The following LYRM4 variants were observed in gnomAD, a reference collection of about 807,000 sequenced individuals.
LYRM4 encodes LYR motif-containing protein 4.
LYRM4 carries 9 observed loss-of-function variants against 11.7 expected under a neutral mutation model. The ratio of observed to expected loss-of-function variants is 0.77; its 90% CI spans 0.46 to 1.34. The LOEUF (loss-of-function observed/expected upper bound fraction) is 1.34. LYRM4 is among the 40% of genes most tolerant of loss of function. The pLI, the probability that LYRM4 is intolerant of heterozygous loss-of-function variation, is 0.00. For missense variants in LYRM4, 133 were observed against 112.5 expected, an observed-to-expected ratio of 1.18 and a Z score of -0.82; for synonymous variants, 42 against 40.4, an observed-to-expected ratio of 1.04 and a Z score of -0.15.
At chr6:5,254,163 A>T (rs1310666538) in intron 1 of LYRM4, among the ~76,000 whole-genome samples, 1 of 152,232 alleles carries the variant, frequency 6.6e-6, no homozygotes, top group African/African-American at 2.4e-5. Flanking sequence ...GGTCAACAGA[A>T]ACGGCCCAAC....
At chr6:5,162,548 A>G (rs893003302) in intron 2 of LYRM4, among the ~76,000 whole-genome samples, 5 of 151,882 alleles carry the variant, frequency 3.3e-5, no homozygotes, top group Admixed American at 6.6e-5. Flanking sequence ...GGCAGGTGGC[A>G]GGGGAGATCT....
At chr6:5,257,329 G>A (rs1323516622) in intron 1 of LYRM4, among the ~76,000 whole-genome samples, 1 of 152,038 alleles carries the variant, frequency 6.6e-6, no homozygotes, top group African/African-American at 2.4e-5. Context: ...GCTGCTTCAT[G>A]CCTTTGATCC....
chr6:5,109,160 TG>T lies in LYRM4; in HGVS notation c.*262del. ...ATGGTCATGAGCTACAAGGTAGGAATGGGGTGCAGGGGAGACGTGGTAACAC... is the reference window on the plus strand; with the variant it reads ...ATGGTCATGAGCTACAAGGTAGGAATGGGTGCAGGGGAGACGTGGTAACAC... On this transcript the variant is annotated 3_prime_UTR_variant, in exon 3 of 3. Coordinates refer to ENST00000330636, the MANE Select transcript of LYRM4 (RefSeq NM_020408.6). 1 of 1,309,744 alleles carries T rather than the reference TG, an allele frequency of 7.6e-7. No homozygotes were observed. The allele number at this position is 1,309,744 out of a possible 1,614,324, so 81.1% of individuals were successfully genotyped here. A position where few individuals can be genotyped will look rare whatever the true frequency, so the allele number is the denominator to read the frequency against.
the LYRM4 span, among the ~76,000 whole-genome samples, chr6:5,080,745 A>G: frequency 4.6e-5 from 7 of 152,164 alleles, no homozygotes; most frequent in Admixed American, 4.6e-4. Flanking sequence ...TGAGTGTAAC[A>G]TTGCCTTGGT....
intron 2 of LYRM4, among the ~76,000 whole-genome samples, chr6:5,154,238 A>G (rs1758254223): frequency 6.6e-6 from 1 of 152,222 alleles, no homozygotes; most frequent in Admixed American, 6.5e-5. Flanking sequence ...AGTTCATAAA[A>G]TATTAGCCTA....
Position 5,202,346 on chromosome 6 carries a change from A to G in LYRM4, c.207+14272T>C, listed in dbSNP as rs141360710. On this transcript the variant is annotated intron_variant, in intron 2 of 2. Coordinates refer to ENST00000330636, the MANE Select transcript of LYRM4 (RefSeq NM_020408.6). ...TCCATGGAAGTCCAGAGACAAACTG[A>G]CAGGCAGAGGGGCCTGGCTCATTGT... Among the ~76,000 whole-genome samples the G allele has an allele frequency of 2.7e-3, 410 of 152,344 alleles. 4 individuals are homozygous for G. Among genetic ancestry groups the G allele is most frequent in the African/African-American group, 9.6e-3 (397 of 41,568 alleles).
rs1460259835 is a variant in LYRM4, at chr6:5,186,817, C to G, written c.207+29801G>C. 7.0e-6 allele frequency: 4 copies of G among 573,292 alleles called. No homozygotes were observed. In the Admixed American group the frequency reaches 8.6e-5, roughly 12 times the overall value. The allele number at this position is 573,292 out of a possible 1,614,324, so 35.5% of individuals were successfully genotyped here. On this transcript the variant is annotated intron_variant, in intron 2 of 2. Transcript: ENST00000330636. ...TGACTAATACAGTGAAATCACATCT[C>G]TACTAAGAATACAAAAATTAGCCAG...
At chr6:5,039,009 T>A in the LYRM4 span, among the ~76,000 whole-genome samples, 40,671 of 149,452 alleles carry the variant, frequency 0.27, 6,641 homozygotes, top group African/African-American at 0.43. Flanking sequence ...GGTTTATGGG[T>A]AGTTTACACA....
chr6:5,216,210 T>C (rs776251450), intron 2 of LYRM4, among the ~76,000 whole-genome samples: 4 of 152,146 alleles, frequency 2.6e-5, no homozygotes, highest in Non-Finnish European at 5.9e-5. Flanking sequence ...CCCACAATGG[T>C]GTCTTCAAGA....
intron 2 of LYRM4, among the ~76,000 whole-genome samples, chr6:5,212,252 T>C (rs914491820): frequency 2.6e-5 from 4 of 152,364 alleles, no homozygotes; most frequent in South Asian, 2.1e-4. Context: ...AGTTTACTGA[T>C]AGTTATTCTA....
chr6:5,069,855 G>A, the LYRM4 span, among the ~76,000 whole-genome samples: 2 of 152,180 alleles, frequency 1.3e-5, no homozygotes, highest in African/African-American at 4.8e-5. Flanking sequence ...AACTCCCCAA[G>A]GGCAAGGATT....
intron 2 of LYRM4, among the ~76,000 whole-genome samples, chr6:5,185,046 C>G (rs1406806772): frequency 6.6e-6 from 1 of 152,190 alleles, no homozygotes; most frequent in East Asian, 1.9e-4. Flanking sequence ...ACTGAAGTCC[C>G]TTCCTCCTTG....
intron 2 of LYRM4, among the ~76,000 whole-genome samples, chr6:5,118,096 T>TTTTTTTTTTG (rs748663388): frequency 5.1e-5 from 4 of 78,708 alleles, no homozygotes; most frequent in Admixed American, 1.2e-4. Flanking sequence ...ATATATATAT[T>TTTTTTTTTTG]TTTGTTTTGT....
intron 2 of LYRM4, among the ~76,000 whole-genome samples, chr6:5,117,119 C>T (rs1354549813): frequency 6.6e-6 from 1 of 152,190 alleles, no homozygotes; most frequent in Non-Finnish European, 1.5e-5. Flanking sequence ...CTACCATTTT[C>T]CCCAGTTCCT....
At chr6:5,198,903 A>C (rs1307355534) in intron 2 of LYRM4, among the ~76,000 whole-genome samples, 1 of 152,228 alleles carries the variant, frequency 6.6e-6, no homozygotes, top group Non-Finnish European at 1.5e-5. Flanking sequence ...ACAGAAAAAA[A>C]CAAGTGTTTA....
the LYRM4 span, among the ~76,000 whole-genome samples, chr6:5,096,720 T>C: frequency 6.6e-6 from 1 of 152,232 alleles, no homozygotes; most frequent in African/African-American, 2.4e-5. Context: ...CGGTAACTCC[T>C]GCCTAATATA....
chr6:5,232,587 C>A (rs1485992694), intron 1 of LYRM4, among the ~76,000 whole-genome samples: 2 of 152,190 alleles, frequency 1.3e-5, no homozygotes, highest in East Asian at 3.8e-4. Flanking sequence ...TTGCTTCAGT[C>A]CAGGGTCTCA....
At chr6:5,226,487 C>T (rs965861647) in intron 1 of LYRM4, among the ~76,000 whole-genome samples, 6 of 152,258 alleles carry the variant, frequency 3.9e-5, no homozygotes, top group Admixed American at 2.0e-4. Flanking sequence ...TGGGTTCAAG[C>T]GATTCTCCTG....
chr6:5,055,575 C>T, the LYRM4 span, among the ~76,000 whole-genome samples: 1 of 152,126 alleles, frequency 6.6e-6, no homozygotes, highest in African/African-American at 2.4e-5. This position sits in a 1 kb window ranked among gnomAD's most constrained non-coding sequence, Gnocchi z 4.5. Context: ...AATATCTGTC[C>T]CACTTCATAC....
Sources: gnomAD v4.1 joint callset for allele counts (sites outside exome capture counted in the v4.1 genomes callset) on GRCh38, gnomAD v4.1.1 for gene constraint, Gnocchi (gnomAD v3.1) non-coding constraint, MANE v1.5 for transcripts, NCBI Gene and HGNC (gene_info 2026-07-23, HGNC 2026-07-21) for gene names.